C9orf85: variants seen among roughly 807,000 people sequenced by gnomAD.
C9orf85 encodes the protein uncharacterized protein C9orf85.
Under a neutral mutation model 14.9 loss-of-function variants are expected in C9orf85, and 16 were observed. That is an observed-to-expected ratio of 1.08 (90% CI 0.73 to 1.63). The LOEUF is 1.63. Ranked by LOEUF, C9orf85 falls within the 40% of genes most tolerant of loss-of-function variation. The pLI is 0.00. For synonymous variants in C9orf85, 45 were observed against 56.8 expected, an observed-to-expected ratio of 0.79 and a Z score of 0.93; for missense variants, 172 against 186.1, an observed-to-expected ratio of 0.92 and a Z score of 0.44.
At chr9:71,976,617 G>A (rs549773582), downstream of C9orf85, among the ~76,000 whole-genome samples, 1 of 150,724 alleles carries the variant, frequency 6.6e-6, no homozygotes, top group South Asian at 2.1e-4. Context: ...AGCCGAGATC[G>A]CGCCACTGCA....
chr9:71,974,058 C>G (rs1589276259), downstream of C9orf85, among the ~76,000 whole-genome samples: 1 of 151,598 alleles, frequency 6.6e-6, no homozygotes, highest in Admixed American at 6.6e-5. Context: ...TCCCAAGTAG[C>G]TGAGATTACA....
chr9:71,954,786 A>G (rs1368981516), intron 2 of C9orf85, among the ~76,000 whole-genome samples: 1 of 152,128 alleles, frequency 6.6e-6, no homozygotes, highest in Non-Finnish European at 1.5e-5. Context: ...GTGACTTAGA[A>G]TGTCTTAATA....
At chr9:71,968,120 T>A (rs201084424) in intron 2 of C9orf85, among the ~76,000 whole-genome samples, 4 of 86,672 alleles carry the variant, frequency 4.6e-5, no homozygotes, top group South Asian at 4.0e-4. Flanking sequence ...AGAGAGAGAG[T>A]GCATGCAAGA....
intron 1 of C9orf85, 143 bp downstream of exon 1, chr9:71,911,979 A>G (rs768786554): frequency 2.1e-5 from 16 of 745,064 alleles, no homozygotes; most frequent in East Asian, 1.8e-4. Context: ...AACTCTTTCT[A>G]AAATGTTATT....
At chr9:71,928,900 G>C (rs1488406262) in intron 1 of C9orf85, among the ~76,000 whole-genome samples, 2 of 152,072 alleles carry the variant, frequency 1.3e-5, no homozygotes, top group Non-Finnish European at 2.9e-5. Flanking sequence ...TCTTTCTGCT[G>C]TTTCTAAGAG....
At chr9:71,949,566 GCT>G (rs1263069133) in intron 2 of C9orf85, among the ~76,000 whole-genome samples, 2 of 152,032 alleles carry the variant, frequency 1.3e-5, no homozygotes, top group Non-Finnish European at 2.9e-5. Context: ...CTCACCCTTG[GCT>G]CTCTAACAAA....
rs77150698 is a variant in C9orf85, at chr9:71,969,887, T to C, written c.210-1618T>C. ...GCATTTTCTAGATATTTTCTGTTAT[T>C]GATTTTTTGTTAATTTCACTGTGGC... is the stretch of plus-strand genomic sequence containing the variant. On this transcript the variant is annotated intron_variant, in intron 2 of 3. Coordinates refer to ENST00000334731, the MANE Select transcript of C9orf85 (RefSeq NM_182505.5). 6.5e-3 allele frequency among the ~76,000 whole-genome samples: 991 copies of C among 152,208 alleles called. 13 individuals carry two copies. Among genetic ancestry groups the C allele is most frequent in the African/African-American group, 0.022 (928 of 41,544 alleles).
intron 3 of C9orf85, 39 bp from the exon 4 acceptor site, chr9:71,972,653 G>C: frequency 6.9e-7 from 1 of 1,446,886 alleles, no homozygotes; most frequent in Non-Finnish European, 9.4e-7. Context: ...AATAATGATA[G>C]CCTGGGAAAT....
In C9orf85 at chr9:71,957,042, G is replaced by A. The variant is rs139412439; in HGVS notation, c.209+9930G>A. Reference sequence around the variant, plus strand: ...TCACCATGTTGGCCAGGCTGAACTCGAACTCCTGACCTCTGCCAGCCTTGG... The same window carrying A: ...TCACCATGTTGGCCAGGCTGAACTCAAACTCCTGACCTCTGCCAGCCTTGG... On this transcript the variant is annotated intron_variant, in intron 2 of 3. Coordinates refer to ENST00000334731, the MANE Select transcript of C9orf85 (RefSeq NM_182505.5). Among the ~76,000 whole-genome samples the A allele has an allele frequency of 3.7e-3, 566 of 151,548 alleles. 4 individuals are homozygous for A. Among genetic ancestry groups the A allele is most frequent in the African/African-American group, 0.013 (523 of 41,288 alleles).
downstream of C9orf85, chr9:71,985,781 C>T (rs1394718518): frequency 6.6e-6 from 1 of 152,180 alleles, no homozygotes; most frequent in Non-Finnish European, 1.5e-5. Flanking sequence ...AAATGCATAC[C>T]TCTAGACCTG....
At chr9:71,950,180 A>C (rs1413675504) in intron 2 of C9orf85, among the ~76,000 whole-genome samples, 2 of 152,194 alleles carry the variant, frequency 1.3e-5, no homozygotes, top group African/African-American at 4.8e-5. Flanking sequence ...AGTAAAACTC[A>C]CTTATATTCA....
intron 2 of C9orf85, among the ~76,000 whole-genome samples, chr9:71,952,195 T>C (rs1822260972): frequency 6.6e-6 from 1 of 152,182 alleles, no homozygotes; most frequent in Non-Finnish European, 1.5e-5. Flanking sequence ...CTCAGTGATT[T>C]CTCAGCATTG....
rs1002134888 is a variant in C9orf85, at chr9:71,961,365, G to C, written c.210-10140G>C. ...TCATGAGGTCAGAAGTTCGAGACCAGCCTGGCCAACATAAGTGAAACCCTG... is the reference window on the plus strand; with the variant it reads ...TCATGAGGTCAGAAGTTCGAGACCACCCTGGCCAACATAAGTGAAACCCTG... On this transcript the variant is annotated intron_variant, in intron 2 of 3. Coordinates refer to ENST00000334731, the MANE Select transcript of C9orf85 (RefSeq NM_182505.5). Among the ~76,000 whole-genome samples, 2 of 151,916 alleles carry C rather than the reference G, an allele frequency of 1.3e-5. 1 individual carries two copies. Among genetic ancestry groups the C allele is most frequent in the African/African-American group, 4.8e-5 (2 of 41,394 alleles).
At chr9:71,931,247 T>A (rs1031073631) in intron 1 of C9orf85, among the ~76,000 whole-genome samples, 23 of 152,194 alleles carry the variant, frequency 1.5e-4, no homozygotes, top group Non-Finnish European at 3.2e-4. Context: ...AAATGATAGC[T>A]CTTCTGGATT....
At chr9:71,948,888 C>T in intron 2 of C9orf85, among the ~76,000 whole-genome samples, 1 of 151,302 alleles carries the variant, frequency 6.6e-6, no homozygotes, top group East Asian at 1.9e-4. Flanking sequence ...GCATTTCCTC[C>T]CAAAAGAAAA....
downstream of C9orf85, among the ~76,000 whole-genome samples, chr9:71,977,533 T>C (rs963803766): frequency 6.6e-6 from 1 of 152,246 alleles, no homozygotes; most frequent in African/African-American, 2.4e-5. Context: ...ATACACATTA[T>C]ACATTTATAA....
At chr9:71,938,577 C>G (rs886784350) in intron 1 of C9orf85, among the ~76,000 whole-genome samples, 5 of 151,782 alleles carry the variant, frequency 3.3e-5, no homozygotes, top group African/African-American at 1.2e-4. Context: ...TTCTCTTATT[C>G]TTATCCATAC....
At position 71,972,746 on chromosome 9, in the gene C9orf85, C is replaced by G. The variant is rs1284618789; in HGVS notation, c.378C>G (p.Asn126Lys). ...IEHTENNLSS[N>K]HRRSCRRNEE... ...ATACTGAAAATAATCTAAGTTCCAA[C>G]CATAGAAGAAGCTGCAGAAGAAATG... The change falls in exon 4 of 4, where the codon AAC becomes AAG. Residue 126 changes from asparagine to lysine, a missense_variant. By Grantham distance (94) the Asn-to-Lys change is moderately conservative (BLOSUM62 0). Coordinates refer to ENST00000334731, the MANE Select transcript of C9orf85 (RefSeq NM_182505.5). 1 of 1,606,908 alleles carries G rather than the reference C, an allele frequency of 6.2e-7. No homozygotes were observed. Among genetic ancestry groups the G allele is most frequent in the African/African-American group, 1.3e-5 (1 of 74,700 alleles).
chr9:71,914,071 CA>C (rs1827584841), intron 1 of C9orf85, among the ~76,000 whole-genome samples: 1 of 152,168 alleles, frequency 6.6e-6, no homozygotes, highest in African/African-American at 2.4e-5. Context: ...GTGATCATAA[CA>C]GATTCTTGCA....
Sources: gnomAD v4.1 joint callset for allele counts (sites outside exome capture counted in the v4.1 genomes callset) on GRCh38, gnomAD v4.1.1 for gene constraint, MANE v1.5 for transcripts, NCBI Gene and HGNC (gene_info 2026-07-23, HGNC 2026-07-21) for gene names.